Variants in SFRP1 observed in about 807,000 individuals in gnomAD.
The protein encoded by SFRP1 is secreted frizzled related protein 1, also known as secreted frizzled-related protein 1.
SFRP1 carries 9 observed loss-of-function variants against 25.9 expected under a neutral mutation model. The observed-to-expected ratio is 0.35, with a 90% CI of 0.21 to 0.61. SFRP1 has a LOEUF of 0.61. SFRP1 is among the 20% of genes least tolerant of loss of function. The pLI is 0.78. For missense variants in SFRP1, 346 were observed against 418.2 expected, an observed-to-expected ratio of 0.83 and a Z score of 1.51; for synonymous variants, 178 against 174.0, an observed-to-expected ratio of 1.02 and a Z score of -0.18.
At chr8:41,305,583 C>A (rs1335363324) in intron 1 of SFRP1, among the ~76,000 whole-genome samples, 7 of 152,222 alleles carry the variant, frequency 4.6e-5, no homozygotes, top group Admixed American at 3.9e-4. Context: ...GCTCTACAGG[C>A]TGCCTCTGCA....
chr8:41,299,479 G>A (rs1472194195), intron 2 of SFRP1, among the ~76,000 whole-genome samples: 3 of 111,106 alleles, frequency 2.7e-5, no homozygotes, highest in African/African-American at 3.6e-5. Flanking sequence ...CATCCACCTT[G>A]AAAAGAGCCT....
In SFRP1 at chr8:41,287,951, A is replaced by G. The variant is rs1293341523; in HGVS notation, c.622+15510T>C. Among the ~76,000 whole-genome samples, 5 of 152,284 alleles carry G rather than the reference A, an allele frequency of 3.3e-5. No individual in the cohort carries two copies. In the East Asian group the frequency reaches 9.7e-4, roughly 29 times the overall value. On this transcript the variant is annotated intron_variant, in intron 2 of 2. Coordinates refer to ENST00000220772, the MANE Select transcript of SFRP1 (RefSeq NM_003012.5). The stretch of plus-strand genomic sequence containing the variant: ...GAATGACAAGTTAGAGGAGAACTGC[A>G]CTTTGTATGCTGGACATGGCAGCTC...
chr8:41,276,038 C>G (rs1003830102), intron 2 of SFRP1, among the ~76,000 whole-genome samples: 1 of 152,178 alleles, frequency 6.6e-6, no homozygotes, highest in Non-Finnish European at 1.5e-5. Flanking sequence ...AGCCACCACA[C>G]CAGTCTGTAA....
At chr8:41,288,897 G>A (rs1277781437) in intron 2 of SFRP1, among the ~76,000 whole-genome samples, 1 of 152,208 alleles carries the variant, frequency 6.6e-6, no homozygotes, top group Non-Finnish European at 1.5e-5. Context: ...ATTCAGGAGA[G>A]GGGCTGCAAA....
Position 41,262,526 on chromosome 8 carries a change from T to C in SFRP1, c.*2641A>G, listed in dbSNP as rs921890544. The C allele has an allele frequency of 1.3e-5, 2 of 152,232 alleles. No individual in the cohort carries two copies. The highest frequency in any genetic ancestry group is 2.4e-5 in the African/African-American group (1 of 41,456). 9.4% of individuals were successfully genotyped at this position (152,232 alleles called of 1,614,324 possible). ...AGGATATTTTAAAAATAAAATGTTTTTGGAATCCTCACCTCCCATGCTATC... is the reference window on the plus strand; with the variant it reads ...AGGATATTTTAAAAATAAAATGTTTCTGGAATCCTCACCTCCCATGCTATC... On this transcript the variant is annotated 3_prime_UTR_variant, in exon 3 of 3. Transcript: ENST00000220772.
At chr8:41,289,974 A>G (rs1803755628) in intron 2 of SFRP1, among the ~76,000 whole-genome samples, 1 of 152,220 alleles carries the variant, frequency 6.6e-6, no homozygotes, top group African/African-American at 2.4e-5. Context: ...AGCCCAGGCC[A>G]GCTGGAAAAG....
intron 2 of SFRP1, among the ~76,000 whole-genome samples, chr8:41,302,838 G>A (rs1803941887): frequency 6.6e-6 from 1 of 151,896 alleles, no homozygotes; most frequent in Non-Finnish European, 1.5e-5. Context: ...GCGAGTGCTG[G>A]TTCAGAATTC....
At chr8:41,280,929 T>A (rs965979867) in intron 2 of SFRP1, among the ~76,000 whole-genome samples, 1 of 152,222 alleles carries the variant, frequency 6.6e-6, no homozygotes, top group African/African-American at 2.4e-5. Context: ...CTCTACCAAG[T>A]GGCTCCACAA....
At chr8:41,265,529 G>C in intron 2 of SFRP1, 40 bp from the exon 3 acceptor site, 1 of 1,463,986 alleles carries the variant, frequency 6.8e-7, no homozygotes, top group South Asian at 1.3e-5. Flanking sequence ...AAGAGGGTAA[G>C]AGAAAGCATT....
At chr8:41,267,438 T>C (rs1375735785) in intron 2 of SFRP1, among the ~76,000 whole-genome samples, 2 of 151,974 alleles carry the variant, frequency 1.3e-5, no homozygotes, top group Admixed American at 6.6e-5. Context: ...CCCAAAGGAG[T>C]TGGAAATCAC....
At chr8:41,289,675 C>A (rs182839768) in intron 2 of SFRP1, among the ~76,000 whole-genome samples, 401 of 152,342 alleles carry the variant, frequency 2.6e-3, no homozygotes, top group African/African-American at 9.2e-3. Flanking sequence ...GCCCAGAGAA[C>A]CAGCAGTTCT....
rs1803396237 is a variant in SFRP1 at position 41,263,303 on chromosome 8, C to G, written c.*1864G>C. The G allele has an allele frequency of 6.6e-6, 1 of 152,538 alleles. No individual in the cohort carries two copies. Among genetic ancestry groups the G allele is most frequent in the Non-Finnish European group, 1.5e-5 (1 of 68,034 alleles). The allele number at this position is 152,538 out of a possible 1,614,324, so 9.4% of individuals were successfully genotyped here. A position where few individuals can be genotyped will look rare whatever the true frequency, so the allele number is the denominator to read the frequency against. On this transcript the variant is annotated 3_prime_UTR_variant, in exon 3 of 3. Coordinates refer to ENST00000220772, the MANE Select transcript of SFRP1 (RefSeq NM_003012.5). ...TTTTTTAATCATCCAAAATTACAGG[C>G]AAATCACTTAAGGTCCCCAGCACTT...
intron 2 of SFRP1, among the ~76,000 whole-genome samples, chr8:41,274,115 T>C (rs1803544025): frequency 6.6e-6 from 1 of 152,242 alleles, no homozygotes; most frequent in Non-Finnish European, 1.5e-5. Context: ...GTTCCAAGGC[T>C]TCTCTGGTTC....
chr8:41,283,969 G>C (rs1197300698), intron 2 of SFRP1, among the ~76,000 whole-genome samples: 1 of 152,132 alleles, frequency 6.6e-6, no homozygotes, highest in African/African-American at 2.4e-5. Context: ...ACCTACTGCT[G>C]TACACAAGGT....
In SFRP1 at chr8:41,309,210, C is replaced by G. The variant is rs1200724646; in HGVS notation, c.-51G>C. 3.7e-5 allele frequency: 47 copies of G among 1,267,788 alleles called. No homozygotes were observed. Among genetic ancestry groups the G allele is most frequent in the Non-Finnish European group, 4.5e-5 (46 of 1,013,702 alleles). 78.5% of individuals were successfully genotyped at this position (1,267,788 alleles called of 1,614,324 possible). A position where few individuals can be genotyped will look rare whatever the true frequency, so the allele number is the denominator to read the frequency against. ...GACGTCGGGGCTGCCTCCGCCGCCT[C>G]CCCGCGCGCGTCCTGCCGCAAACTT... is the stretch of plus-strand genomic sequence containing the variant. On this transcript the variant is annotated 5_prime_UTR_variant, in exon 1 of 3. Transcript: ENST00000220772.
intron 1 of SFRP1, 30 bp downstream of exon 1, chr8:41,308,586 G>A (rs748139435): frequency 6.6e-7 from 1 of 1,519,212 alleles, no homozygotes; most frequent in Admixed American, 1.9e-5. Flanking sequence ...GGAGGGGGCG[G>A]CTCGCGCACG....
At chr8:41,276,414 G>A (rs141040947) in intron 2 of SFRP1, among the ~76,000 whole-genome samples, 87 of 152,284 alleles carry the variant, frequency 5.7e-4, no homozygotes, top group African/African-American at 1.8e-3. Context: ...CTGGCTTTGC[G>A]GCACTAGGGC....
At chr8:41,285,502 C>T (rs939732348) in intron 2 of SFRP1, among the ~76,000 whole-genome samples, 7 of 152,334 alleles carry the variant, frequency 4.6e-5, no homozygotes, top group Admixed American at 2.0e-4. Flanking sequence ...AGCCCCACTC[C>T]AGGCGGAAGA....
chr8:41,270,892 C>G (rs1803496908), intron 2 of SFRP1, among the ~76,000 whole-genome samples: 1 of 151,774 alleles, frequency 6.6e-6, no homozygotes, highest in South Asian at 2.1e-4. Flanking sequence ...CAGCCTGCCG[C>G]TGGGGTATAC....
Sources: gnomAD v4.1 joint callset for allele counts (sites outside exome capture counted in the v4.1 genomes callset) on GRCh38, gnomAD v4.1.1 for gene constraint, MANE v1.5 for transcripts, NCBI Gene and HGNC (gene_info 2026-07-23, HGNC 2026-07-21) for gene names.